The following GNG2 variants were observed in gnomAD, a reference collection of about 807,000 sequenced individuals.
GNG2 encodes guanine nucleotide-binding protein G(I)/G(S)/G(O) subunit gamma-2.
GNG2 carries 5 observed loss-of-function variants against 5.5 expected under a neutral mutation model. That is an observed-to-expected ratio of 0.91 (90% confidence interval 0.48 to 1.92). The LOEUF (loss-of-function observed/expected upper bound fraction) is 1.92. GNG2 is among the 30% of genes most tolerant of loss of function. The probability of loss-of-function intolerance (pLI) is 0.01; values close to 1 mark genes in which losing one functional copy is unlikely to be tolerated. For missense variants in GNG2, 55 were observed against 88.4 expected (o/e 0.62, Z 1.52); for synonymous variants, 28 against 32.0 (o/e 0.88, Z 0.42).
intron 1 of GNG2, among the ~76,000 whole-genome samples, chr14:51,874,434 A>T (rs1458298017): frequency 1.3e-5 from 2 of 151,712 alleles, no homozygotes; most frequent in African/African-American, 4.8e-5. Flanking sequence ...CAAAAAAAAA[A>T]AAAAAAAACA....
intron 2 of GNG2, chr14:51,917,198 T>C (rs1886698542): frequency 1.6e-5 from 6 of 367,226 alleles, no homozygotes; most frequent in South Asian, 1.2e-4. Flanking sequence ...ATTTCTGAAA[T>C]TTCTTCCATC....
At chr14:51,923,031 C>G (rs568890636) in intron 2 of GNG2, among the ~76,000 whole-genome samples, 5 of 152,210 alleles carry the variant, frequency 3.3e-5, no homozygotes. Context: ...TAGCAAATAA[C>G]TTTCTTTATG....
chr14:51,969,242 T>A lies in GNG2; in HGVS notation c.*2555T>A, dbSNP rs1290135984. On this transcript the variant is annotated 3_prime_UTR_variant, in exon 4 of 4. Coordinates refer to ENST00000556766, the MANE Select transcript of GNG2 (RefSeq NM_053064.5). ...GAAAATCTGCCGTGGAATTAACTAA[T>A]AAGTAGTAACAATAAACTTCATATT... 3 of 152,176 alleles carry A rather than the reference T, an allele frequency of 2.0e-5. No homozygotes were observed. The highest frequency in any genetic ancestry group is 4.4e-5 in the Non-Finnish European group (3 of 68,018). 9.4% of individuals were successfully genotyped at this position (152,176 alleles called of 1,614,324 possible).
At chr14:51,962,222 A>C (rs960236763) in intron 3 of GNG2, among the ~76,000 whole-genome samples, 6 of 63,198 alleles carry the variant, frequency 9.5e-5, no homozygotes, top group African/African-American at 1.4e-4. Flanking sequence ...TTAAAATATC[A>C]ATTTTTAAAA....
chr14:51,889,537 T>C (rs1242619299), intron 2 of GNG2, among the ~76,000 whole-genome samples: 2 of 149,016 alleles, frequency 1.3e-5, no homozygotes, highest in African/African-American at 2.4e-5. Context: ...TATTTCATTA[T>C]ATATCAGTAA....
At chr14:51,878,975 C>G (rs755952138) in intron 2 of GNG2, among the ~76,000 whole-genome samples, 12 of 152,342 alleles carry the variant, frequency 7.9e-5, no homozygotes, top group South Asian at 6.2e-4. Context: ...TTTGCTGGCA[C>G]GTCCAATGGG....
chr14:51,899,372 C>G (rs1885406415), intron 2 of GNG2, among the ~76,000 whole-genome samples: 1 of 152,096 alleles, frequency 6.6e-6, no homozygotes, highest in Admixed American at 6.6e-5. Context: ...AATAATAGTT[C>G]CGACATTAAA....
At chr14:51,916,480 G>A (rs1219990237) in intron 2 of GNG2, 1 of 452,098 alleles carries the variant, frequency 2.2e-6, no homozygotes, top group South Asian at 1.6e-5. Flanking sequence ...ACATCTCAAA[G>A]TGCTAAAAAT....
chr14:51,941,602 C>T (rs539144961), intron 2 of GNG2, among the ~76,000 whole-genome samples: 2 of 152,156 alleles, frequency 1.3e-5, no homozygotes, highest in African/African-American at 4.8e-5. Flanking sequence ...GGATGGAATC[C>T]TCCACAATTA....
intron 2 of GNG2, among the ~76,000 whole-genome samples, chr14:51,939,124 A>G (rs572819972): frequency 3.3e-5 from 5 of 152,258 alleles, no homozygotes; most frequent in Admixed American, 6.5e-5. Flanking sequence ...AAAAAATCCA[A>G]CATCCACAGT....
At chr14:51,874,930 TA>T (rs1231811899) in intron 1 of GNG2, among the ~76,000 whole-genome samples, 1 of 152,204 alleles carries the variant, frequency 6.6e-6, no homozygotes, top group African/African-American at 2.4e-5. Context: ...TTAACATTAG[TA>T]AACAAAACTT....
chr14:51,884,509 T>C (rs1884310441), intron 2 of GNG2, among the ~76,000 whole-genome samples: 3 of 152,176 alleles, frequency 2.0e-5, no homozygotes, highest in Non-Finnish European at 4.4e-5. Context: ...GTCACACAGC[T>C]GAAAAGTGAC....
chr14:51,838,898 C>T (rs973159951), intron 2 of GNG2, among the ~76,000 whole-genome samples: 7 of 152,060 alleles, frequency 4.6e-5, no homozygotes, highest in African/African-American at 1.7e-4. Context: ...TAGAGTGAGA[C>T]CCTGTCTCAA....
At chr14:51,831,585 C>A (rs546604190) in intron 2 of GNG2, among the ~76,000 whole-genome samples, 1 of 152,178 alleles carries the variant, frequency 6.6e-6, no homozygotes, top group African/African-American at 2.4e-5. Flanking sequence ...GTTTGAGCAA[C>A]CAATTCTGAG....
At chr14:51,905,493 T>C (rs1025571955) in intron 2 of GNG2, among the ~76,000 whole-genome samples, 1 of 152,192 alleles carries the variant, frequency 6.6e-6, no homozygotes, top group African/African-American at 2.4e-5. Flanking sequence ...TGACCATACC[T>C]TTAGATTAAC....
chr14:51,954,864 C>T (rs1033593746), intron 3 of GNG2, among the ~76,000 whole-genome samples: 2 of 152,120 alleles, frequency 1.3e-5, no homozygotes, highest in Non-Finnish European at 1.5e-5. Context: ...CTCCATAGCA[C>T]GTAGTCCTAG....
chr14:51,882,150 T>TTCCTTCC lies in GNG2; in HGVS notation c.-30+4494_-30+4500dup, dbSNP rs1474791909. On this transcript the variant is annotated intron_variant, in intron 2 of 3. Transcript: ENST00000556766. ...ATAACTACTTATCTGGGTACAGGGT[T>TTCCTTCC]TCCTTCCGGGGTGATGGAATATCTT... Among the ~76,000 whole-genome samples, 4 of 152,328 alleles carry TTCCTTCC rather than the reference T, an allele frequency of 2.6e-5. No homozygotes were observed. The South Asian group carries it at 8.3e-4, about 32-fold the overall frequency.
At chr14:51,845,594 C>T (rs1187347805) in intron 2 of GNG2, among the ~76,000 whole-genome samples, 1 of 152,192 alleles carries the variant, frequency 6.6e-6, no homozygotes, top group Non-Finnish European at 1.5e-5. Context: ...ACGAGAGATT[C>T]TGTGAAGGCA....
intron 2 of GNG2, chr14:51,841,402 C>G (rs1214727027): frequency 1.8e-6 from 1 of 554,576 alleles, no homozygotes; most frequent in African/African-American, 1.9e-5. Flanking sequence ...CTGCACCAAA[C>G]AAACAAACAA....
Sources: allele counts gnomAD v4.1 joint callset (sites outside exome capture counted in the v4.1 genomes callset), GRCh38; gene constraint gnomAD v4.1.1; transcripts MANE v1.5; gene names NCBI Gene and HGNC (gene_info 2026-07-23, HGNC 2026-07-21).